The following MCCC2 variants were observed in gnomAD, a reference collection of about 807,000 sequenced individuals.
MCCC2 encodes the protein methylcrotonyl-CoA carboxylase subunit 2.
MCCC2 carries 52 observed loss-of-function variants against 77.2 expected under a neutral mutation model. The ratio of observed to expected loss-of-function variants is 0.67; its 90% CI spans 0.54 to 0.85. The LOEUF (loss-of-function observed/expected upper bound fraction) is 0.85, where lower values mean the gene tolerates loss of function less well. MCCC2 is among the 40% of genes least tolerant of loss of function. The pLI is 0.00. For missense variants in MCCC2, 682 were observed against 703.2 expected (o/e 0.97, Z 0.34); for synonymous variants, 253 against 248.4 (o/e 1.02, Z -0.18).
At chr5:71,651,606 A>G (rs1257442502) in intron 15 of MCCC2, among the ~76,000 whole-genome samples, 1 of 152,152 alleles carries the variant, frequency 6.6e-6, no homozygotes, top group African/African-American at 2.4e-5. Flanking sequence ...TTGTGGAGTG[A>G]GGTACTGCCT....
At position 71,604,308 on chromosome 5, in the gene MCCC2, C is replaced by G. The variant is rs761032737; in HGVS notation, c.512-48C>G. 4 of 1,483,106 alleles carry G rather than the reference C, an allele frequency of 2.7e-6. No individual in the cohort carries two copies. The Admixed American group carries it at 5.0e-5, about 19-fold the overall frequency. The allele number at this position is 1,483,106 out of a possible 1,614,324, so 91.9% of individuals were successfully genotyped here. A position where few individuals can be genotyped will look rare whatever the true frequency, so the allele number is the denominator to read the frequency against. On this transcript the variant is annotated intron_variant, in intron 5 of 16. Transcript: ENST00000340941. ...TTGATACAAGTTTCCCTCTGCGTAG[C>G]ACATTTAGTTCATAGAGATGCTTAT...
At chr5:71,642,517 T>C (rs900441844) in intron 11 of MCCC2, among the ~76,000 whole-genome samples, 3 of 152,200 alleles carry the variant, frequency 2.0e-5, no homozygotes, top group Admixed American at 6.5e-5. Flanking sequence ...GGGGACATGT[T>C]CCCTACTCAG....
At chr5:71,612,023 C>T (rs1347839504) in intron 6 of MCCC2, among the ~76,000 whole-genome samples, 1 of 151,704 alleles carries the variant, frequency 6.6e-6, no homozygotes, top group African/African-American at 2.4e-5. Flanking sequence ...CTCCTGACCT[C>T]GTGATCTGCC....
intron 16 of MCCC2, among the ~76,000 whole-genome samples, chr5:71,653,984 G>T (rs993559333): frequency 2.0e-5 from 3 of 152,060 alleles, no homozygotes; most frequent in Admixed American, 6.6e-5. Context: ...CCATTTGGGT[G>T]TGTGTATGTG....
chr5:71,612,985 C>G (rs1218464334), intron 6 of MCCC2, among the ~76,000 whole-genome samples: 1 of 152,212 alleles, frequency 6.6e-6, no homozygotes, highest in Non-Finnish European at 1.5e-5. Flanking sequence ...CTAGCCTCTT[C>G]CAGCTCCTGG....
At chr5:71,656,377 A>G in intron 16 of MCCC2, among the ~76,000 whole-genome samples, 1 of 152,200 alleles carries the variant, frequency 6.6e-6, no homozygotes, top group East Asian at 1.9e-4. Flanking sequence ...TATTAATGAC[A>G]GAATACACCA....
chr5:71,631,998 T>C (rs1746733254), intron 7 of MCCC2, 123 bp from the exon 8 acceptor site: 1 of 861,428 alleles, frequency 1.2e-6, no homozygotes, highest in Admixed American at 1.7e-5. Context: ...GAAAGCACAG[T>C]GTTCTTTAGT....
intron 10 of MCCC2, chr5:71,635,491 G>A: frequency 1.8e-6 from 1 of 549,312 alleles, no homozygotes; most frequent in Non-Finnish European, 3.4e-6. Context: ...CGCAAAAAGT[G>A]TGATTTGGTC....
At chr5:71,633,112 TATA>T (rs1746785231) in intron 8 of MCCC2, among the ~76,000 whole-genome samples, 1 of 31,312 alleles carries the variant, frequency 3.2e-5, no homozygotes, top group Non-Finnish European at 8.1e-5. Context: ...TATATATATA[TATA>T]TATATATATA....
intron 7 of MCCC2, 22 bp downstream of exon 7, chr5:71,626,775 T>C (rs1746542036): frequency 6.3e-7 from 1 of 1,598,532 alleles, no homozygotes; most frequent in Non-Finnish European, 8.6e-7. Flanking sequence ...AGAACGTTGG[T>C]CGATGGAAAT....
chr5:71,604,133 G>A (rs1481923138), intron 5 of MCCC2, among the ~76,000 whole-genome samples: 1 of 152,186 alleles, frequency 6.6e-6, no homozygotes, highest in Non-Finnish European at 1.5e-5. Context: ...ACCATTTCGA[G>A]AAGAATTTTG....
chr5:71,631,020 C>T (rs1372958515), intron 7 of MCCC2, among the ~76,000 whole-genome samples: 2 of 151,874 alleles, frequency 1.3e-5, no homozygotes, highest in Non-Finnish European at 2.9e-5. Context: ...TTAAGTTATT[C>T]TTAATTTATT....
intron 12 of MCCC2, among the ~76,000 whole-genome samples, chr5:71,644,918 A>T (rs1450283315): frequency 6.6e-6 from 1 of 152,200 alleles, no homozygotes; most frequent in African/African-American, 2.4e-5. Flanking sequence ...ACTTATAATT[A>T]TACCAGAAAT....
At chr5:71,637,282 A>T (rs945114453) in intron 10 of MCCC2, among the ~76,000 whole-genome samples, 1 of 152,206 alleles carries the variant, frequency 6.6e-6, no homozygotes, top group African/African-American at 2.4e-5. Flanking sequence ...ATTTTAAAGC[A>T]CAGGCACACC....
At chr5:71,639,532 G>A (rs1747047879) in intron 10 of MCCC2, among the ~76,000 whole-genome samples, 1 of 152,108 alleles carries the variant, frequency 6.6e-6, no homozygotes, top group African/African-American at 2.4e-5. Context: ...TGTTGTGCCT[G>A]GCTTGATTTT....
intron 6 of MCCC2, among the ~76,000 whole-genome samples, chr5:71,624,455 G>A (rs188351114): frequency 6.6e-6 from 1 of 151,448 alleles, no homozygotes; most frequent in East Asian, 1.9e-4. Flanking sequence ...TCGGCTTACC[G>A]CAACCTGTGC....
intron 6 of MCCC2, among the ~76,000 whole-genome samples, chr5:71,612,010 G>C (rs186949061): frequency 3.8e-4 from 57 of 152,000 alleles, no homozygotes; most frequent in African/African-American, 1.3e-3. Flanking sequence ...GGATGGTCTC[G>C]ATCTCCTGAC....
At chr5:71,616,460 G>A (rs1303527495) in intron 6 of MCCC2, among the ~76,000 whole-genome samples, 1 of 152,218 alleles carries the variant, frequency 6.6e-6, no homozygotes, top group Non-Finnish European at 1.5e-5. Context: ...AGGACAGCTG[G>A]TGTCTGCTGG....
intron 8 of MCCC2, among the ~76,000 whole-genome samples, chr5:71,632,909 A>G (rs544194533): frequency 6.6e-6 from 1 of 152,186 alleles, no homozygotes; most frequent in African/African-American, 2.4e-5. Flanking sequence ...TCAATGAGAT[A>G]CAATACATGT....
Sources: gnomAD v4.1 joint callset for allele counts (sites outside exome capture counted in the v4.1 genomes callset) on GRCh38, gnomAD v4.1.1 for gene constraint, MANE v1.5 for transcripts, NCBI Gene and HGNC (gene_info 2026-07-23, HGNC 2026-07-21) for gene names.